PARD3B: variants seen among roughly 807,000 people sequenced by gnomAD.
The protein encoded by PARD3B is par-3 family cell polarity regulator beta.
In PARD3B, 103 loss-of-function variants were observed where a neutral mutation model predicts 130.2. That is an observed-to-expected ratio of 0.79 (90% CI 0.67 to 0.93). The LOEUF (loss-of-function observed/expected upper bound fraction) is 0.93. PARD3B is among the 40% of genes least tolerant of loss of function. The pLI, the probability that PARD3B is intolerant of heterozygous loss-of-function variation, is 0.00. For synonymous variants in PARD3B, 583 were observed against 553.2 expected (o/e 1.05, Z -0.76); for missense variants, 1,609 against 1,499.2 (o/e 1.07, Z -1.21).
At chr2:204,965,457 T>G in intron 3 of PARD3B, 134 bp downstream of exon 3, 1 of 982,310 alleles carries the variant, frequency 1.0e-6, no homozygotes, top group Non-Finnish European at 1.5e-6. Flanking sequence ...TTTAAATTAT[T>G]TTTTTACATA....
At chr2:204,760,261 T>A (rs1167015435) in intron 2 of PARD3B, among the ~76,000 whole-genome samples, 2 of 152,230 alleles carry the variant, frequency 1.3e-5, no homozygotes, top group Middle Eastern at 6.8e-3. Flanking sequence ...AATAGTGATA[T>A]GAAGAGTTGA....
intron 2 of PARD3B, among the ~76,000 whole-genome samples, chr2:204,702,620 G>A (rs751138172): frequency 2.6e-5 from 4 of 152,024 alleles, no homozygotes; most frequent in Non-Finnish European, 5.9e-5. Context: ...TGTCACCCAG[G>A]CTGGAATACA....
intron 4 of PARD3B, among the ~76,000 whole-genome samples, chr2:205,087,244 G>A (rs1701793938): frequency 6.6e-6 from 1 of 152,100 alleles, no homozygotes; most frequent in African/African-American, 2.4e-5. Context: ...TTTCTTTCAA[G>A]TTTTTGCTTT....
chr2:205,493,853 G>C (rs1030331842), intron 20 of PARD3B, among the ~76,000 whole-genome samples: 6 of 151,964 alleles, frequency 3.9e-5, no homozygotes, highest in African/African-American at 1.5e-4. Context: ...TGCCTCCTGA[G>C]TTCAAGTGAT....
At chr2:205,526,024 T>C (rs1223297815) in intron 21 of PARD3B, among the ~76,000 whole-genome samples, 2 of 152,234 alleles carry the variant, frequency 1.3e-5, no homozygotes, top group Non-Finnish European at 2.9e-5. Flanking sequence ...CCACTGAGGC[T>C]GCTGTCTCCA....
At chr2:205,084,164 A>C (rs1701605362) in intron 4 of PARD3B, among the ~76,000 whole-genome samples, 1 of 152,122 alleles carries the variant, frequency 6.6e-6, no homozygotes, top group African/African-American at 2.4e-5. Context: ...GCTTCTGTCT[A>C]TTATGACTCT....
chr2:205,295,032 A>G (rs576776047), intron 16 of PARD3B, among the ~76,000 whole-genome samples: 21 of 152,302 alleles, frequency 1.4e-4, no homozygotes, highest in Admixed American at 4.6e-4. Context: ...TGGATTTGCA[A>G]TGATATCAAG....
chr2:204,699,154 T>C (rs2037760444), intron 2 of PARD3B, among the ~76,000 whole-genome samples: 2 of 152,080 alleles, frequency 1.3e-5, no homozygotes, highest in Admixed American at 1.3e-4. Context: ...TCTGACTCTT[T>C]ACCCAAGTTA....
chr2:205,537,550 A>T (rs2051917489), intron 21 of PARD3B, among the ~76,000 whole-genome samples: 1 of 152,192 alleles, frequency 6.6e-6, no homozygotes, highest in Admixed American at 6.5e-5. Flanking sequence ...AACACAATGA[A>T]GGGGCCTTCC....
chr2:205,439,005 T>C (rs549396745), intron 19 of PARD3B, among the ~76,000 whole-genome samples: 11 of 152,296 alleles, frequency 7.2e-5, no homozygotes, highest in South Asian at 2.1e-4. Flanking sequence ...ATTTCTTTTC[T>C]GCTCCTTACT....
rs536670339 is a variant in PARD3B, at chr2:205,014,828, G to A, written c.395-32753G>A. ...CCCAGTTTAATTAGAGTCAGAGAAG[G>A]TTTCTGTAAAGAAGTGAAATTTAAG... On this transcript the variant is annotated intron_variant, in intron 3 of 22. Coordinates refer to ENST00000406610, the MANE Select transcript of PARD3B (RefSeq NM_001302769.2). Among the ~76,000 whole-genome samples the A allele has an allele frequency of 3.9e-5, 6 of 152,258 alleles. No homozygotes were observed. The South Asian group carries it at 1.2e-3, about 32-fold the overall frequency.
chr2:205,100,435 T>A (rs1188145540), intron 4 of PARD3B, among the ~76,000 whole-genome samples: 3 of 151,728 alleles, frequency 2.0e-5, no homozygotes, highest in Non-Finnish European at 4.4e-5. Context: ...TTCAATGCAA[T>A]CCCTAGCAAA....
intron 2 of PARD3B, among the ~76,000 whole-genome samples, chr2:204,830,464 C>T (rs1049251888): frequency 7.9e-5 from 12 of 152,096 alleles, no homozygotes; most frequent in African/African-American, 2.9e-4. Flanking sequence ...TGTGATCTTA[C>T]AATTGTAGGA....
chr2:204,766,986 T>TTTTTG, intron 2 of PARD3B, among the ~76,000 whole-genome samples: 1 of 102,780 alleles, frequency 9.7e-6, no homozygotes, highest in Non-Finnish European at 2.1e-5. Context: ...TTTTTCACAT[T>TTTTTG]TTTTATTTTA....
chr2:205,018,722 CAAAAAAAAAAAAAA>C (rs5837948), intron 3 of PARD3B, among the ~76,000 whole-genome samples: 4 of 43,152 alleles, frequency 9.3e-5, no homozygotes, highest in South Asian at 2.4e-3. Flanking sequence ...GCAGTATAAG[CAAAAAAAAAAAAAA>C]AAAAAAAAAA....
chr2:205,499,379 G>A (rs567512536), intron 20 of PARD3B, among the ~76,000 whole-genome samples: 6 of 148,882 alleles, frequency 4.0e-5, no homozygotes, highest in African/African-American at 7.5e-5. Context: ...TTTTTTACAC[G>A]TGTCCTAACT....
intron 10 of PARD3B, among the ~76,000 whole-genome samples, chr2:205,138,110 G>C (rs748271381): frequency 2.0e-5 from 3 of 152,186 alleles, no homozygotes; most frequent in African/African-American, 7.2e-5. Context: ...ATCAGCCCAG[G>C]ACTGTCAGTA....
At chr2:204,961,653 T>C (rs1440277645) in intron 2 of PARD3B, among the ~76,000 whole-genome samples, 1 of 152,240 alleles carries the variant, frequency 6.6e-6, no homozygotes, top group East Asian at 1.9e-4. Context: ...TCAACATTTT[T>C]AGAGACTAAA....
chr2:205,460,403 T>C lies in PARD3B; in HGVS notation c.3044+19731T>C, dbSNP rs1249167514. ...CTAAGGATGTTGATAGTGATGATGATGATGATGATGATGATGATGATGATG... is the reference window on the plus strand; with the variant it reads ...CTAAGGATGTTGATAGTGATGATGACGATGATGATGATGATGATGATGATG... On this transcript the variant is annotated intron_variant, in intron 20 of 22. Transcript: ENST00000406610. This position sits in a 1 kb window ranked among gnomAD's most constrained non-coding sequence, Gnocchi z 4.9. 6.8e-6 allele frequency among the ~76,000 whole-genome samples: 1 copy of C among 146,206 alleles called. No homozygotes were observed. The highest frequency in any genetic ancestry group is 2.7e-5 in the African/African-American group (1 of 36,378).
Sources: gnomAD v4.1 joint callset for allele counts (sites outside exome capture counted in the v4.1 genomes callset) on GRCh38, gnomAD v4.1.1 for gene constraint, Gnocchi (gnomAD v3.1) non-coding constraint, MANE v1.5 for transcripts, NCBI Gene and HGNC (gene_info 2026-07-23, HGNC 2026-07-21) for gene names.